The following TIAM1 variants were observed in gnomAD, a reference collection of about 807,000 sequenced individuals.
TIAM1 encodes TIAM Rac1 associated GEF 1, also known as rho guanine nucleotide exchange factor TIAM1.
Under a neutral mutation model 163.5 loss-of-function variants are expected in TIAM1, and 65 were observed. That is an observed-to-expected ratio of 0.40 (90% CI 0.33 to 0.49). TIAM1 has a LOEUF of 0.49. Among genes scored for constraint, TIAM1 ranks in the 20% least tolerant of loss-of-function variants. The pLI is 0.77. For missense variants in TIAM1, 1,789 were observed against 2,044.7 expected, an observed-to-expected ratio of 0.87 and a Z score of 2.41; for synonymous variants, 833 against 810.1, an observed-to-expected ratio of 1.03 and a Z score of -0.48.
intron 1 of TIAM1, among the ~76,000 whole-genome samples, chr21:31,535,328 C>T (rs180851807): frequency 1.2e-3 from 149 of 128,604 alleles, no homozygotes; most frequent in African/African-American, 4.1e-3. Flanking sequence ...TTGCAGTGAG[C>T]CAGGATTGTG....
At chr21:31,416,212 A>G (rs1285979076) in intron 2 of TIAM1, among the ~76,000 whole-genome samples, 1 of 152,072 alleles carries the variant, frequency 6.6e-6, no homozygotes, top group Non-Finnish European at 1.5e-5. Context: ...TGCACCTTCA[A>G]CACTCCACCA....
chr21:31,147,536 C>T (rs2083179402), intron 19 of TIAM1, among the ~76,000 whole-genome samples: 1 of 151,694 alleles, frequency 6.6e-6, no homozygotes, highest in East Asian at 1.9e-4. Flanking sequence ...ATCATCTCCC[C>T]AGCCTCTCTG....
chr21:31,315,237 G>A (rs551042919), intron 2 of TIAM1, among the ~76,000 whole-genome samples: 142 of 152,202 alleles, frequency 9.3e-4, no homozygotes, highest in African/African-American at 3.2e-3. Flanking sequence ...GCGCATGGCC[G>A]GGCGCAGTGG....
rs115084367 is a variant in TIAM1 at position 31,301,377 on chromosome 21, G to A, written c.-188-24469C>T. 1.8e-3 allele frequency among the ~76,000 whole-genome samples: 277 copies of A among 152,222 alleles called. 2 individuals are homozygous for A. The highest frequency in any genetic ancestry group is 6.5e-3 in the African/African-American group (270 of 41,532). ...TCTCTTAATAACAGCCCGTAACTAT[G>A]GAACACAGATGAGGGTATTAAAACA... is the stretch of plus-strand genomic sequence containing the variant. On this transcript the variant is annotated intron_variant, in intron 2 of 27. Coordinates refer to ENST00000541036, the MANE Select transcript of TIAM1 (RefSeq NM_001353694.2).
intron 1 of TIAM1, among the ~76,000 whole-genome samples, chr21:31,477,234 C>T (rs761563597): frequency 8.5e-5 from 13 of 152,116 alleles, no homozygotes; most frequent in South Asian, 2.1e-4. Context: ...CCTCCACAAG[C>T]GTAATCATAA....
chr21:31,347,287 C>T (rs1311664755), upstream of TIAM1, among the ~76,000 whole-genome samples: 1 of 152,104 alleles, frequency 6.6e-6, no homozygotes, highest in South Asian at 2.1e-4. Context: ...GAAAATACAG[C>T]AATATCAGAA....
chr21:31,252,663 AAAAT>A (rs2071877254), intron 4 of TIAM1, among the ~76,000 whole-genome samples: 1 of 152,178 alleles, frequency 6.6e-6, no homozygotes, highest in Non-Finnish European at 1.5e-5. Context: ...GATATCTTTA[AAAAT>A]AAATAAATAA....
At chr21:31,332,849 A>C (rs2075720862) in intron 2 of TIAM1, among the ~76,000 whole-genome samples, 1 of 152,132 alleles carries the variant, frequency 6.6e-6, no homozygotes, top group African/African-American at 2.4e-5. Context: ...GGCTCATCAG[A>C]CATCTGCCCA....
At chr21:31,278,193 C>T (rs2146863154) in intron 2 of TIAM1, among the ~76,000 whole-genome samples, 1 of 152,290 alleles carries the variant, frequency 6.6e-6, no homozygotes, top group Non-Finnish European at 1.5e-5. Flanking sequence ...GCCCAAATCA[C>T]TTACATAGAA....
intron 20 of TIAM1, among the ~76,000 whole-genome samples, chr21:31,144,122 C>T (rs1401509505): frequency 6.6e-6 from 1 of 152,192 alleles, no homozygotes; most frequent in African/African-American, 2.4e-5. Context: ...ATTAAGAGAA[C>T]AGACTCCCTG....
chr21:31,294,330 C>CT (rs2074149516), intron 2 of TIAM1, among the ~76,000 whole-genome samples: 1 of 152,204 alleles, frequency 6.6e-6, no homozygotes, highest in Non-Finnish European at 1.5e-5. Flanking sequence ...CCTCCAAGCC[C>CT]TAACTATACC....
At chr21:31,135,127 G>T (rs1164624011) in intron 23 of TIAM1, among the ~76,000 whole-genome samples, 2 of 151,678 alleles carry the variant, frequency 1.3e-5, no homozygotes. Context: ...GAGTCTTTTA[G>T]CAAGAGGCTA....
chr21:31,436,291 C>T (rs114235052), intron 2 of TIAM1, among the ~76,000 whole-genome samples: 2,034 of 152,260 alleles, frequency 0.013, 44 homozygotes, highest in African/African-American at 0.046. Flanking sequence ...CACATGGCAG[C>T]CACTTAATAA....
chr21:31,203,320 A>G (rs1471706950), intron 11 of TIAM1, among the ~76,000 whole-genome samples: 1 of 152,046 alleles, frequency 6.6e-6, no homozygotes, highest in Admixed American at 6.6e-5. Context: ...ATGGGGTTTC[A>G]CTATGTTGGC....
At chr21:31,325,081 A>G (rs1056137806) in intron 2 of TIAM1, among the ~76,000 whole-genome samples, 1 of 151,562 alleles carries the variant, frequency 6.6e-6, no homozygotes, top group Admixed American at 6.6e-5. Context: ...GGAGTTCGAG[A>G]CCAGCCTGGA....
intron 3 of TIAM1, among the ~76,000 whole-genome samples, chr21:31,275,877 T>C (rs1044468813): frequency 2.0e-5 from 3 of 152,190 alleles, no homozygotes; most frequent in African/African-American, 7.2e-5. Flanking sequence ...AGGCATTTAA[T>C]GATGTAAGTT....
intron 22 of TIAM1, 69 bp from the exon 23 acceptor site, chr21:31,136,110 A>G (rs2082611942): frequency 2.2e-6 from 3 of 1,334,378 alleles, no homozygotes; most frequent in East Asian, 2.3e-5. Flanking sequence ...ATGATGTTTG[A>G]AAATTCAGCA....
At chr21:31,375,227 G>C (rs1185920877) in intron 2 of TIAM1, among the ~76,000 whole-genome samples, 1 of 152,096 alleles carries the variant, frequency 6.6e-6, no homozygotes, top group African/African-American at 2.4e-5. Flanking sequence ...GAAAGTCACT[G>C]TTTAATAGAA....
intron 2 of TIAM1, among the ~76,000 whole-genome samples, chr21:31,289,950 CA>C (rs1236704053): frequency 6.6e-6 from 1 of 152,144 alleles, no homozygotes; most frequent in Non-Finnish European, 1.5e-5. Flanking sequence ...CTCTACGAAT[CA>C]ATGAGTATAC....
Sources: gnomAD v4.1 joint callset for allele counts (sites outside exome capture counted in the v4.1 genomes callset) on GRCh38, gnomAD v4.1.1 for gene constraint, MANE v1.5 for transcripts, NCBI Gene and HGNC (gene_info 2026-07-23, HGNC 2026-07-21) for gene names.